The following SUSD6 variants were observed in gnomAD, a reference collection of about 807,000 sequenced individuals.
The protein encoded by SUSD6 is sushi domain-containing protein 6.
SUSD6 carries 16 observed loss-of-function variants against 28.4 expected under a neutral mutation model. The observed-to-expected ratio is 0.56, with a 90% CI of 0.38 to 0.86. The LOEUF is 0.86. SUSD6 is among the 40% of genes least tolerant of loss of function. The probability of loss-of-function intolerance (pLI) is 0.00; values close to 1 mark genes in which losing one functional copy is unlikely to be tolerated. For synonymous variants in SUSD6, 147 were observed against 159.6 expected (o/e 0.92, Z 0.59); for missense variants, 341 against 384.2 (o/e 0.89, Z 0.94).
intron 1 of SUSD6, among the ~76,000 whole-genome samples, chr14:69,653,700 A>C (rs1885536549): frequency 6.9e-6 from 1 of 144,116 alleles, no homozygotes; most frequent in Non-Finnish European, 1.5e-5. Flanking sequence ...GTTTAAACAA[A>C]GTTTTAGCCT....
intron 1 of SUSD6, among the ~76,000 whole-genome samples, chr14:69,621,825 C>T (rs975959378): frequency 6.6e-6 from 1 of 152,120 alleles, no homozygotes; most frequent in Admixed American, 6.5e-5. Context: ...GAAGGTCTGT[C>T]CATGCTTTTT....
rs561104316 is a variant in SUSD6 at position 69,653,478 on chromosome 14, C to T, written c.-80-5035C>T. ...GCAGAGAGCCTTCATGACCAGCTCC[C>T]TGGCTGGTGGCGGAGGTGGGACTGA... On this transcript the variant is annotated intron_variant, in intron 1 of 5. Transcript: ENST00000342745. 1.5e-3 allele frequency among the ~76,000 whole-genome samples: 230 copies of T among 152,316 alleles called. 3 individuals carry two copies. The highest frequency in any genetic ancestry group is 1.9e-3 in the Non-Finnish European group (131 of 68,034).
At chr14:69,663,514 C>T (rs1237237651) in intron 2 of SUSD6, among the ~76,000 whole-genome samples, 1 of 152,184 alleles carries the variant, frequency 6.6e-6, no homozygotes, top group Non-Finnish European at 1.5e-5. Flanking sequence ...CTTGGAAGGA[C>T]CCTCGAGTCA....
At chr14:69,706,193 G>T (rs772266530) in intron 4 of SUSD6, among the ~76,000 whole-genome samples, 2 of 152,140 alleles carry the variant, frequency 1.3e-5, no homozygotes, top group African/African-American at 2.4e-5. Context: ...GAAGGGGATT[G>T]TTTACTTGAA....
At chr14:69,629,740 G>A (rs1474393621) in intron 1 of SUSD6, among the ~76,000 whole-genome samples, 1 of 152,212 alleles carries the variant, frequency 6.6e-6, no homozygotes. Flanking sequence ...GGGTTGCTGT[G>A]TTTACAGCAC....
intron 1 of SUSD6, among the ~76,000 whole-genome samples, chr14:69,621,329 G>T (rs1181131474): frequency 2.0e-5 from 3 of 152,162 alleles, no homozygotes; most frequent in Non-Finnish European, 4.4e-5. Context: ...TTGTAGGGAG[G>T]CCTGGTTTGA....
intron 1 of SUSD6, among the ~76,000 whole-genome samples, chr14:69,613,408 G>A (rs1884911471): frequency 6.6e-6 from 1 of 152,164 alleles, no homozygotes; most frequent in African/African-American, 2.4e-5. Context: ...AAAACCTTCT[G>A]AAAGCACTGC....
At chr14:69,664,829 C>G (rs924756662) in intron 2 of SUSD6, among the ~76,000 whole-genome samples, 1 of 152,216 alleles carries the variant, frequency 6.6e-6, no homozygotes, top group African/African-American at 2.4e-5. Flanking sequence ...CGACTTTCTG[C>G]AAAAGAGAGG....
intron 2 of SUSD6, among the ~76,000 whole-genome samples, chr14:69,688,904 A>G (rs1015997201): frequency 1.3e-5 from 2 of 152,196 alleles, no homozygotes. Flanking sequence ...AAGATTCCAC[A>G]TTCTTTAGCC....
intron 2 of SUSD6, among the ~76,000 whole-genome samples, chr14:69,689,023 T>A (rs903912236): frequency 2.0e-5 from 3 of 152,166 alleles, no homozygotes; most frequent in Non-Finnish European, 4.4e-5. Context: ...ACATACCACC[T>A]CTTCTTGATT....
chr14:69,627,004 A>ACT (rs1016503872), intron 1 of SUSD6, among the ~76,000 whole-genome samples: 2 of 151,810 alleles, frequency 1.3e-5, no homozygotes, highest in Non-Finnish European at 1.5e-5. Flanking sequence ...TCTTTAGAGG[A>ACT]CTCTGCTCTG....
intron 5 of SUSD6, among the ~76,000 whole-genome samples, chr14:69,710,678 A>G (rs1037705379): frequency 6.6e-6 from 1 of 152,210 alleles, no homozygotes; most frequent in Non-Finnish European, 1.5e-5. Flanking sequence ...GAGAAAGGGA[A>G]GTGACTAGAC....
At chr14:69,670,447 C>T (rs1396968753) in intron 2 of SUSD6, 1 of 456,584 alleles carries the variant, frequency 2.2e-6, no homozygotes, top group East Asian at 6.9e-5. Flanking sequence ...TCTCCTGACT[C>T]AGCTTGAATT....
chr14:69,693,995 C>T (rs1032024119), intron 2 of SUSD6, among the ~76,000 whole-genome samples: 2 of 152,218 alleles, frequency 1.3e-5, no homozygotes, highest in Non-Finnish European at 2.9e-5. Context: ...CAGTTGAAAA[C>T]AAGACAGTGT....
intron 1 of SUSD6, among the ~76,000 whole-genome samples, chr14:69,629,674 G>A (rs1885165847): frequency 6.6e-6 from 1 of 152,194 alleles, no homozygotes; most frequent in Non-Finnish European, 1.5e-5. Context: ...GTTCAAGTTG[G>A]CCAGGAATGC....
chr14:69,647,447 A>G (rs887315667), intron 1 of SUSD6, among the ~76,000 whole-genome samples: 1 of 152,110 alleles, frequency 6.6e-6, no homozygotes, highest in African/African-American at 2.4e-5. Flanking sequence ...GGGAGTACAG[A>G]TAGTGTGTTG....
Position 69,703,379 on chromosome 14 carries a change from C to G in SUSD6, c.122-16C>G. 3 of 1,609,100 alleles carry G rather than the reference C, an allele frequency of 1.9e-6. No homozygotes were observed. The highest frequency in any genetic ancestry group is 2.5e-6 in the Non-Finnish European group (3 of 1,176,596). On this transcript the variant is annotated splice_polypyrimidine_tract_variant and intron_variant, in intron 2 of 5. Coordinates refer to ENST00000342745, the MANE Select transcript of SUSD6 (RefSeq NM_014734.4). ...TACCTCACCACTGTACCCCTGCTCT[C>G]TCCCTGTCTTTGCAGTGTGCCCCCT...
intron 2 of SUSD6, among the ~76,000 whole-genome samples, chr14:69,696,694 C>A (rs1344816868): frequency 6.6e-6 from 1 of 152,176 alleles, no homozygotes; most frequent in Non-Finnish European, 1.5e-5. Context: ...CCAAGGACTC[C>A]TTCACTGAGA....
At chr14:69,706,697 C>A (rs1157527075) in intron 4 of SUSD6, among the ~76,000 whole-genome samples, 1 of 152,078 alleles carries the variant, frequency 6.6e-6, no homozygotes, top group African/African-American at 2.4e-5. Flanking sequence ...TGGTCTCAAG[C>A]AGTCTGCCCA....
Sources: allele counts gnomAD v4.1 joint callset (sites outside exome capture counted in the v4.1 genomes callset), GRCh38; gene constraint gnomAD v4.1.1; transcripts MANE v1.5; gene names NCBI Gene and HGNC (gene_info 2026-07-23, HGNC 2026-07-21).